PLCG2: variants seen among roughly 807,000 people sequenced by gnomAD.
PLCG2 encodes the protein phospholipase C gamma 2.
In PLCG2, 69 loss-of-function variants were observed where a neutral mutation model predicts 175.6. The observed-to-expected ratio is 0.39, with a 90% CI of 0.32 to 0.48. The LOEUF is 0.48. PLCG2 is among the 20% of genes least tolerant of loss of function. The pLI is 0.91. For missense variants in PLCG2, 1,798 were observed against 1,650.9 expected (o/e 1.09, Z -1.54); for synonymous variants, 827 against 624.0 (o/e 1.33, Z -4.85).
rs186847811 is a variant in PLCG2 at position 81,945,692 on chromosome 16, G to A, written c.3482-483G>A. Among the ~76,000 whole-genome samples, 129 of 152,324 alleles carry A rather than the reference G, an allele frequency of 8.5e-4. 2 individuals carry two copies. Among genetic ancestry groups the A allele is most frequent in the Middle Eastern group, 3.4e-3 (1 of 294 alleles). ...AAAGAGGGAATGGCTTTAGGAGGAG[G>A]AAGATCAATACTGCTATGAACTACT... On this transcript the variant is annotated intron_variant, in intron 30 of 32. Transcript: ENST00000564138.
At chr16:81,876,031 TTTTTTTG>T (rs745424878) in intron 7 of PLCG2, among the ~76,000 whole-genome samples, 12 of 128,626 alleles carry the variant, frequency 9.3e-5, no homozygotes, top group South Asian at 2.4e-4. Context: ...TTTTTTTTTT[TTTTTTTG>T]TTTTTGAGAC....
rs777318757 is a variant in PLCG2, at chr16:81,919,618, G to C, written c.2189G>C (p.Arg730Thr). 1 of 1,614,136 alleles carries C rather than the reference G, an allele frequency of 6.2e-7. No individual in the cohort carries two copies. Among genetic ancestry groups the C allele is most frequent in the Non-Finnish European group, 8.5e-7 (1 of 1,180,020 alleles). The change falls in exon 20 of 33, where the codon AGA becomes ACA. Residue 730 changes from arginine to threonine, a missense_variant. Physicochemically the swap from Arg to Thr is moderately conservative, Grantham distance 71 (BLOSUM62 -1). Coordinates refer to ENST00000564138, the MANE Select transcript of PLCG2 (RefSeq NM_002661.5). ...AAGCATTCACTCTACCGAAAGATGA[G>C]ACTGCGCTACCCCGTGACCCCCGAG... is the stretch of plus-strand genomic sequence containing the variant. Reference protein sequence around the residue: ...YEKHSLYRKMRLRYPVTPELL... With the variant: ...YEKHSLYRKMTLRYPVTPELL...
chr16:81,810,217 T>A (rs1904305602), intron 2 of PLCG2, among the ~76,000 whole-genome samples: 1 of 152,158 alleles, frequency 6.6e-6, no homozygotes, highest in Admixed American at 6.5e-5. Context: ...TTTCTATCTC[T>A]TGATTCTCGT....
chr16:81,917,474 G>C (rs1247827334), intron 19 of PLCG2, among the ~76,000 whole-genome samples: 1 of 151,968 alleles, frequency 6.6e-6, no homozygotes, highest in Non-Finnish European at 1.5e-5. Flanking sequence ...CCTCTGTACT[G>C]TTTTCCATAG....
At chr16:81,797,908 G>T (rs1413514336) in intron 2 of PLCG2, among the ~76,000 whole-genome samples, 3 of 151,034 alleles carry the variant, frequency 2.0e-5, no homozygotes, top group Non-Finnish European at 2.9e-5. Context: ...TCAGTTCACT[G>T]CAACCTCTGC....
chr16:81,950,306 C>T (rs16956085), intron 31 of PLCG2, among the ~76,000 whole-genome samples: 8 of 152,190 alleles, frequency 5.3e-5, no homozygotes, highest in South Asian at 2.1e-4. Flanking sequence ...CTAGAATTTA[C>T]GATCAGAAGT....
rs564626404 is a variant in PLCG2, at chr16:81,825,299, T to G, written c.194-29145T>G. On this transcript the variant is annotated intron_variant, in intron 2 of 32. Transcript: ENST00000564138. ...GATGCTCTAATTTTTTTTTTTTTTT[T>G]TTTTTTTGAGACAGAGTCTCACTCT... 4.7e-5 allele frequency among the ~76,000 whole-genome samples: 7 copies of G among 147,498 alleles called. No homozygotes were observed. The South Asian group carries it at 6.6e-4, about 14-fold the overall frequency.
chr16:81,760,748 T>TAAAAAAAAAA (rs1224811220), intron 2 of PLCG2, among the ~76,000 whole-genome samples: 7 of 87,878 alleles, frequency 8.0e-5, no homozygotes, highest in South Asian at 4.0e-4. Context: ...CCGTCTCTAT[T>TAAAAAAAAAA]AAAAAAAAAA....
intron 2 of PLCG2, among the ~76,000 whole-genome samples, chr16:81,853,190 G>C (rs556456481): frequency 7.2e-5 from 11 of 152,236 alleles, no homozygotes; most frequent in Admixed American, 5.9e-4. Context: ...AACTAGCCGG[G>C]CATGGTGGCA....
At chr16:81,897,760 GTC>G (rs1184384834) in intron 13 of PLCG2, 2 of 446,544 alleles carry the variant, frequency 4.5e-6, no homozygotes, top group Non-Finnish European at 9.0e-6. Flanking sequence ...GGCCAGGTTG[GTC>G]TTGAACTCAT....
At chr16:81,780,737 C>T (rs1033562479) in intron 1 of PLCG2, among the ~76,000 whole-genome samples, 1 of 152,064 alleles carries the variant, frequency 6.6e-6, no homozygotes, top group African/African-American at 2.4e-5. Flanking sequence ...CTTTTGAAAA[C>T]ATTTCTTGGT....
At chr16:81,921,359 A>C in intron 21 of PLCG2, 90 bp downstream of exon 21, 1 of 897,776 alleles carries the variant, frequency 1.1e-6, no homozygotes, top group Non-Finnish European at 1.9e-6. Flanking sequence ...ATAACAGGGC[A>C]AGGGAAGACT....
At position 81,805,663 on chromosome 16, in the gene PLCG2, C is replaced by T. The variant is rs541636675; in HGVS notation, c.193+19481C>T. Among the ~76,000 whole-genome samples, 4 of 151,964 alleles carry T rather than the reference C, an allele frequency of 2.6e-5. No homozygotes were observed. The South Asian group carries it at 8.3e-4, about 31-fold the overall frequency. On this transcript the variant is annotated intron_variant, in intron 2 of 32. Transcript: ENST00000564138. ...ACTCACAATGCTTTGCCATCCATGT[C>T]TCCATCCTGCAGTAGCCAAAGCTGG...
intron 31 of PLCG2, among the ~76,000 whole-genome samples, chr16:81,955,822 A>T (rs1371654187): frequency 6.6e-6 from 1 of 152,228 alleles, no homozygotes; most frequent in Non-Finnish European, 1.5e-5. Flanking sequence ...AGAAATCATT[A>T]CTGGCTACAG....
At chr16:81,848,928 G>A (rs1467953337) in intron 2 of PLCG2, among the ~76,000 whole-genome samples, 1 of 152,194 alleles carries the variant, frequency 6.6e-6, no homozygotes, top group Non-Finnish European at 1.5e-5. Flanking sequence ...TGGTTTGATT[G>A]AGCTGAGACT....
intron 11 of PLCG2, 96 bp from the exon 12 acceptor site, chr16:81,893,613 G>A (rs953195448): frequency 5.3e-6 from 4 of 748,404 alleles, no homozygotes; most frequent in African/African-American, 1.7e-5. Flanking sequence ...GGCGGCTCGG[G>A]CGGAGAAGTT....
chr16:81,866,787 C>G (rs937070523), intron 5 of PLCG2, among the ~76,000 whole-genome samples: 1 of 152,214 alleles, frequency 6.6e-6, no homozygotes, highest in Non-Finnish European at 1.5e-5. Flanking sequence ...CCAGCATGAT[C>G]TGGCTCCTCT....
At chr16:81,768,629 G>A (rs1910206034) in intron 2 of PLCG2, among the ~76,000 whole-genome samples, 1 of 143,396 alleles carries the variant, frequency 7.0e-6, no homozygotes. Context: ...GCAATGGTGC[G>A]ATCTCAGCTC....
At chr16:81,775,724 C>G (rs1910384569), upstream of PLCG2, among the ~76,000 whole-genome samples, 1 of 152,196 alleles carries the variant, frequency 6.6e-6, no homozygotes, top group African/African-American at 2.4e-5. Context: ...GATGATTCAG[C>G]TTAAAATGTA....
Sources: gnomAD v4.1 joint callset for allele counts (sites outside exome capture counted in the v4.1 genomes callset) on GRCh38, gnomAD v4.1.1 for gene constraint, MANE v1.5 for transcripts, NCBI Gene and HGNC (gene_info 2026-07-23, HGNC 2026-07-21) for gene names.